Variants in SNTG2 observed in about 807,000 individuals in gnomAD.
The protein encoded by SNTG2 is syntrophin gamma 2.
A neutral mutation model predicts 70.9 loss-of-function variants in SNTG2; 74 were observed. That is an observed-to-expected ratio of 1.04 (90% CI 0.86 to 1.27). SNTG2 has a LOEUF of 1.27. Ranked by LOEUF, SNTG2 falls within the 50% of genes most tolerant of loss-of-function variation. The probability of loss-of-function intolerance (pLI) is 0.00; values close to 1 mark genes in which losing one functional copy is unlikely to be tolerated. For synonymous variants in SNTG2, 278 were observed against 273.8 expected (o/e 1.02, Z -0.15); for missense variants, 717 against 690.7 (o/e 1.04, Z -0.43).
chr2:1,253,409 A>G (rs887215108), intron 12 of SNTG2, among the ~76,000 whole-genome samples: 3 of 152,348 alleles, frequency 2.0e-5, no homozygotes, highest in African/African-American at 7.2e-5. Flanking sequence ...TCACTGCACC[A>G]TCGTCCTTCA....
At chr2:1,231,986 T>A (rs1213494589) in intron 9 of SNTG2, among the ~76,000 whole-genome samples, 1 of 152,154 alleles carries the variant, frequency 6.6e-6, no homozygotes, top group African/African-American at 2.4e-5. Flanking sequence ...TCCTGAAGGC[T>A]GCTTCCTGTT....
chr2:1,194,425 G>A (rs929068309), intron 8 of SNTG2, among the ~76,000 whole-genome samples: 1 of 152,106 alleles, frequency 6.6e-6, no homozygotes, highest in African/African-American at 2.4e-5. Context: ...TAGGAATGTG[G>A]GAATCTTTCT....
At chr2:994,312 A>G (rs1370792072) in intron 1 of SNTG2, among the ~76,000 whole-genome samples, 10 of 152,104 alleles carry the variant, frequency 6.6e-5, no homozygotes, top group Non-Finnish European at 1.3e-4. Flanking sequence ...CAAATTATAT[A>G]ATACATGTGA....
rs536018648 is a variant in SNTG2 at position 1,007,310 on chromosome 2, A to G, written c.72+56242A>G. On this transcript the variant is annotated intron_variant, in intron 1 of 16. Transcript: ENST00000308624. ...CCCACACGATCCTAGGCCATCATAA[A>G]TCACGTCTCTAAACTTGTTACCTCA... Among the ~76,000 whole-genome samples, 73 of 152,284 alleles carry G rather than the reference A, an allele frequency of 4.8e-4. 1 individual carries two copies. Among genetic ancestry groups the G allele is most frequent in the Non-Finnish European group, 9.3e-4 (63 of 68,018 alleles).
At chr2:1,129,429 G>C (rs913963490) in intron 4 of SNTG2, among the ~76,000 whole-genome samples, 10 of 152,144 alleles carry the variant, frequency 6.6e-5, no homozygotes, top group Admixed American at 1.3e-4. Context: ...TCCTTCCCAG[G>C]GAAATGTGTC....
chr2:1,259,063 C>A (rs1038316731), intron 12 of SNTG2, among the ~76,000 whole-genome samples: 1 of 152,002 alleles, frequency 6.6e-6, no homozygotes, highest in Non-Finnish European at 1.5e-5. Flanking sequence ...AAAATTATGC[C>A]CAATTGCATG....
intron 16 of SNTG2, among the ~76,000 whole-genome samples, chr2:1,332,663 G>A (rs973447100): frequency 1.3e-5 from 2 of 152,088 alleles, no homozygotes; most frequent in African/African-American, 4.8e-5. Context: ...ACATACGTAA[G>A]TCAATAAATA....
At chr2:1,109,303 G>A (rs1340116959) in intron 4 of SNTG2, among the ~76,000 whole-genome samples, 1 of 151,904 alleles carries the variant, frequency 6.6e-6, no homozygotes. Flanking sequence ...ATTTACATGT[G>A]GTGTTTCCAA....
At chr2:1,072,339 T>A in intron 1 of SNTG2, among the ~76,000 whole-genome samples, 2 of 19,066 alleles carry the variant, frequency 1.0e-4, no homozygotes. Context: ...TTTCTTTTCT[T>A]TTTCTTTTTC....
At chr2:1,119,570 TA>T (rs1267129779) in intron 4 of SNTG2, among the ~76,000 whole-genome samples, 69 of 148,878 alleles carry the variant, frequency 4.6e-4, no homozygotes, top group Admixed American at 3.8e-3. Context: ...TTTTTTTGTA[TA>T]AAAAAATGTA....
chr2:1,260,939 T>G (rs935490714), intron 13 of SNTG2, among the ~76,000 whole-genome samples: 30 of 152,308 alleles, frequency 2.0e-4, no homozygotes, highest in African/African-American at 2.2e-4. Context: ...TTATTGTATC[T>G]TACATATGTG....
At chr2:1,146,718 T>C (rs1669131834) in intron 6 of SNTG2, among the ~76,000 whole-genome samples, 1 of 152,212 alleles carries the variant, frequency 6.6e-6, no homozygotes, top group Non-Finnish European at 1.5e-5. Context: ...TGGAATGTAA[T>C]AGCCCAGAAA....
chr2:1,327,151 A>T (rs1177167082), intron 16 of SNTG2, among the ~76,000 whole-genome samples: 2 of 152,094 alleles, frequency 1.3e-5, no homozygotes, highest in Non-Finnish European at 2.9e-5. Context: ...GTATAGTGTA[A>T]ACCTAAGAAG....
intron 1 of SNTG2, among the ~76,000 whole-genome samples, chr2:1,055,141 T>A (rs1265023979): frequency 1.3e-5 from 2 of 152,226 alleles, no homozygotes; most frequent in Non-Finnish European, 2.9e-5. Context: ...ATTCACATTG[T>A]AGACGTGGCC....
chr2:1,126,691 T>A (rs1195760594), intron 4 of SNTG2, among the ~76,000 whole-genome samples: 1 of 152,174 alleles, frequency 6.6e-6, no homozygotes, highest in East Asian at 1.9e-4. Flanking sequence ...GATAATATCT[T>A]ATTGTGGTTT....
intron 12 of SNTG2, among the ~76,000 whole-genome samples, chr2:1,254,831 T>C (rs1220848953): frequency 1.3e-5 from 2 of 152,216 alleles, no homozygotes; most frequent in Non-Finnish European, 2.9e-5. Flanking sequence ...TTTTGTTCCA[T>C]GAGAGTCTGG....
At chr2:954,912 G>A (rs1340854382) in intron 1 of SNTG2, among the ~76,000 whole-genome samples, 2 of 152,164 alleles carry the variant, frequency 1.3e-5, no homozygotes, top group Non-Finnish European at 2.9e-5. Context: ...TGTTAAAATA[G>A]TTTGCTTTTT....
At position 1,182,217 on chromosome 2, in the gene SNTG2, T is replaced by C. The variant is rs1671951979; in HGVS notation, c.591+9034T>C. Among the ~76,000 whole-genome samples the C allele has an allele frequency of 2.6e-5, 4 of 152,192 alleles. No homozygotes were observed. The South Asian group carries it at 8.3e-4, about 31-fold the overall frequency. ...AGATTTAAAGTGCTCACCTGTGGCT[T>C]CTGCTTTAGCTCTGCCCCTGCAAGT... is the stretch of plus-strand genomic sequence containing the variant. On this transcript the variant is annotated intron_variant, in intron 8 of 16. Transcript: ENST00000308624.
In SNTG2 at chr2:984,682, G is replaced by A. The variant is rs531999850; in HGVS notation, c.72+33614G>A. Among the ~76,000 whole-genome samples the A allele has an allele frequency of 4.6e-5, 7 of 152,220 alleles. No individual in the cohort carries two copies. The East Asian group carries it at 1.2e-3, about 25-fold the overall frequency. ...CTTGGCACATCCTGCCATCATCAGC[G>A]GCCTCCATGAGGGCACTGCCTTAGC... is the stretch of plus-strand genomic sequence containing the variant. On this transcript the variant is annotated intron_variant, in intron 1 of 16. Transcript: ENST00000308624.
Sources: allele counts gnomAD v4.1 joint callset (sites outside exome capture counted in the v4.1 genomes callset), GRCh38; gene constraint gnomAD v4.1.1; transcripts MANE v1.5; gene names NCBI Gene and HGNC (gene_info 2026-07-23, HGNC 2026-07-21).